The following DOCK7 variants were observed in gnomAD, a reference collection of about 807,000 sequenced individuals.
The protein encoded by DOCK7 is dedicator of cytokinesis protein 7.
In DOCK7, 138 loss-of-function variants were observed where a neutral mutation model predicts 271.0. The observed-to-expected ratio is 0.51, with a 90% CI of 0.44 to 0.59. The LOEUF (loss-of-function observed/expected upper bound fraction) is 0.59. Among genes scored for constraint, DOCK7 ranks in the 20% least tolerant of loss-of-function variants. The pLI, the probability that DOCK7 is intolerant of heterozygous loss-of-function variation, is 0.00. For missense variants in DOCK7, 2,066 were observed against 2,592.4 expected (o/e 0.80, Z 4.41); for synonymous variants, 823 against 876.1 (o/e 0.94, Z 1.07).
At chr1:62,624,339 G>A (rs2149602051) in intron 12 of DOCK7, among the ~76,000 whole-genome samples, 1 of 152,160 alleles carries the variant, frequency 6.6e-6, no homozygotes, top group Admixed American at 6.5e-5. Context: ...TAACCTGGGT[G>A]TCATCTACTA....
At chr1:62,600,609 ACAT>A (rs1649969573) in intron 14 of DOCK7, among the ~76,000 whole-genome samples, 1 of 151,902 alleles carries the variant, frequency 6.6e-6, no homozygotes, top group Non-Finnish European at 1.5e-5. Flanking sequence ...CAACCTGCCA[ACAT>A]CTACAGATAT....
Position 62,594,230 on chromosome 1 carries a change from G to A in DOCK7, c.1683-7606C>T, listed in dbSNP as rs1001383079. On this transcript the variant is annotated intron_variant, in intron 14 of 49. Coordinates refer to ENST00000635253, the MANE Select transcript of DOCK7 (RefSeq NM_001367561.1). The stretch of plus-strand genomic sequence containing the variant: ...CTTTTAGCAGTGTGTACTCAGACAG[G>A]AAGTATTAAAAGGCAGGCAGAAAAT... 2.0e-5 allele frequency among the ~76,000 whole-genome samples: 3 copies of A among 152,052 alleles called. No homozygotes were observed. In the South Asian group the frequency reaches 6.2e-4, roughly 32 times the overall value.
intron 48 of DOCK7, among the ~76,000 whole-genome samples, chr1:62,469,116 G>A (rs1044956367): frequency 3.3e-5 from 5 of 152,032 alleles, no homozygotes; most frequent in South Asian, 2.1e-4. Flanking sequence ...TAGCCAAAGC[G>A]AGACTAAGCA....
chr1:62,648,325 T>A lies in DOCK7; in HGVS notation c.520-7A>T. 1 of 1,565,036 alleles carries A rather than the reference T, an allele frequency of 6.4e-7. No individual in the cohort carries two copies. ...AACGTCTTTTAAGGTCATCCTGTCATGCAAAACATTAAATATAAATATATT... is the reference window on the plus strand; with the variant it reads ...AACGTCTTTTAAGGTCATCCTGTCAAGCAAAACATTAAATATAAATATATT... On this transcript the variant is annotated splice_polypyrimidine_tract_variant and splice_region_variant and intron_variant, in intron 5 of 49. Coordinates refer to ENST00000635253, the MANE Select transcript of DOCK7 (RefSeq NM_001367561.1).
At position 62,513,878 on chromosome 1, in the gene DOCK7, G is replaced by A; in HGVS notation, c.3957C>T (p.Thr1319=). 2 of 1,613,510 alleles carry A rather than the reference G, an allele frequency of 1.2e-6. No individual in the cohort carries two copies. Among genetic ancestry groups the A allele is most frequent in the Non-Finnish European group, 1.7e-6 (2 of 1,179,758 alleles). The change falls in exon 32 of 50, where the codon ACC becomes ACT. Residue 1319 remains threonine (T), a synonymous_variant. Transcript: ENST00000635253. The part of the protein sequence containing the change: ...LTSTSGRQHT[T]FSAESSRSLL... ...GGCTTCGACTTGATTCTGCTGAAAA[G>A]GTAGTGTGTTGCCTGCCACTCTGAA...
At chr1:62,457,854 C>G in intron 48 of DOCK7, 149 bp from the exon 49 acceptor site, 5 of 718,320 alleles carry the variant, frequency 7.0e-6, no homozygotes, top group Non-Finnish European at 1.1e-5. Flanking sequence ...CACACACATA[C>G]ACACAAAAAT....
At position 62,529,393 on chromosome 1, in the gene DOCK7, C is replaced by T; in HGVS notation, c.3665G>A (p.Ser1222Asn). 6.2e-7 allele frequency: 1 copy of T among 1,613,640 alleles called. No homozygotes were observed. The highest frequency in any genetic ancestry group is 8.5e-7 in the Non-Finnish European group (1 of 1,179,902). Residue 1222 changes from serine (S) to asparagine (N), a missense_variant, in exon 30 of 50, where the codon AGT becomes AAT. Around this residue, in one of 2 missense-constraint regions of DOCK7, gnomAD observed 1,414 missense variants for 1,670.4 expected, o/e 0.85. Transcript: ENST00000635253. ...AGAGTACCGCGGGTCTGAGTCGTGA[C>T]TGGAGAGTAAATTGTGTACCATATT... ...VINMVHNLLS[S>N]HDSDPRYSDP...
At chr1:62,462,378 A>G (rs2149233101) in intron 48 of DOCK7, among the ~76,000 whole-genome samples, 1 of 152,374 alleles carries the variant, frequency 6.6e-6, no homozygotes, top group Admixed American at 6.5e-5. Context: ...GCTCTGCCAC[A>G]CGGCAAAGCT....
intron 10 of DOCK7, 107 bp downstream of exon 10, chr1:62,633,391 A>G (rs1654865893): frequency 1.2e-6 from 1 of 832,878 alleles, no homozygotes; most frequent in African/African-American, 1.7e-5. Context: ...TTTGTTGCAT[A>G]TTAAAGCTAT....
chr1:62,652,573 A>G (rs1467962634), intron 4 of DOCK7, among the ~76,000 whole-genome samples: 1 of 152,162 alleles, frequency 6.6e-6, no homozygotes, highest in Non-Finnish European at 1.5e-5. Flanking sequence ...CCCAGCACAC[A>G]GTAAACCCAT....
chr1:62,524,512 G>A (rs1349185646), intron 31 of DOCK7, among the ~76,000 whole-genome samples: 1 of 152,130 alleles, frequency 6.6e-6, no homozygotes, highest in Non-Finnish European at 1.5e-5. Flanking sequence ...TTTATAGTTA[G>A]ACAATGGAAT....
intron 2 of DOCK7, 53 bp downstream of exon 2, chr1:62,662,972 G>T: frequency 7.2e-7 from 1 of 1,390,810 alleles, no homozygotes; most frequent in Non-Finnish European, 1.0e-6. Context: ...ATTTTTTCAT[G>T]GCCTAGTCAA....
At position 62,663,073 on chromosome 1, in the gene DOCK7, T is replaced by C. The variant is rs754808562; in HGVS notation, c.96A>G (p.Gln32=). ...CAACAATATTAAGGTTTTTGAGCAGTTGGGGAGAACCACTATATTGTCCGG... is the reference window on the plus strand; with the variant it reads ...CAACAATATTAAGGTTTTTGAGCAGCTGGGGAGAACCACTATATTGTCCGG... ...QISGQYSGSP[Q]LLKNLNIVGN... Residue 32 remains glutamine (Q), a synonymous_variant, in exon 2 of 50, where the codon CAA becomes CAG. Transcript: ENST00000635253. 2.1e-5 allele frequency: 34 copies of C among 1,613,870 alleles called. No individual in the cohort carries two copies. The highest frequency in any genetic ancestry group is 2.5e-5 in the Non-Finnish European group (29 of 1,179,952).
chr1:62,496,257 T>A (rs1168038), intron 38 of DOCK7, 82 bp downstream of exon 38: 1 of 1,552,686 alleles, frequency 6.4e-7, no homozygotes, highest in Non-Finnish European at 8.8e-7. Flanking sequence ...CCAGCAAAAA[T>A]CAACTTTTGA....
rs546884977 is a variant in DOCK7 at position 62,620,346 on chromosome 1, G to GAT, written c.1426-355_1426-354dup. Among the ~76,000 whole-genome samples, 330 of 151,144 alleles carry GAT rather than the reference G, an allele frequency of 2.2e-3. 2 individuals are homozygous for GAT. Among genetic ancestry groups the GAT allele is most frequent in the African/African-American group, 7.3e-3 (301 of 41,256 alleles). On this transcript the variant is annotated intron_variant, in intron 12 of 49. Coordinates refer to ENST00000635253, the MANE Select transcript of DOCK7 (RefSeq NM_001367561.1). ...AAAAATAAATAAATAAATAAATAAA[G>GAT]ATATATATATGATGAAAAATAAATT...
At chr1:62,534,925 T>C (rs1645293141) in intron 29 of DOCK7, among the ~76,000 whole-genome samples, 1 of 152,042 alleles carries the variant, frequency 6.6e-6, no homozygotes, top group Admixed American at 6.5e-5. Flanking sequence ...ACCCCATCTC[T>C]ACTACAAAAA....
intron 14 of DOCK7, among the ~76,000 whole-genome samples, chr1:62,587,378 T>C (rs76119735): frequency 1.2e-3 from 187 of 150,504 alleles, no homozygotes; most frequent in African/African-American, 4.5e-3. Flanking sequence ...GAACAAGACG[T>C]TTAGTATAAT....
At chr1:62,582,933 TAATC>T (rs1557754643) in intron 16 of DOCK7, among the ~76,000 whole-genome samples, 2 of 152,184 alleles carry the variant, frequency 1.3e-5, no homozygotes, top group African/African-American at 4.8e-5. Flanking sequence ...GCCACAATGA[TAATC>T]AATAACAATA....
intron 10 of DOCK7, 70 bp from the exon 11 acceptor site, chr1:62,631,475 A>C: frequency 7.6e-7 from 1 of 1,320,770 alleles, no homozygotes; most frequent in Non-Finnish European, 1.0e-6. Context: ...ATTTCATACT[A>C]CATAAAGGAA....
Sources: gnomAD v4.1 joint callset for allele counts (sites outside exome capture counted in the v4.1 genomes callset) on GRCh38, gnomAD v4.1.1 for gene constraint, gnomAD v4.1.1 regional missense constraint, MANE v1.5 for transcripts, NCBI Gene and HGNC (gene_info 2026-07-23, HGNC 2026-07-21) for gene names.